Variants in ADGRG5 observed in about 807,000 individuals in gnomAD.
The protein encoded by ADGRG5 is G protein-coupled receptor 114.
ADGRG5 carries 37 observed loss-of-function variants against 53.2 expected under a neutral mutation model. That is an observed-to-expected ratio of 0.70 (90% confidence interval 0.53 to 0.91). The LOEUF is 0.91. Ranked by LOEUF, ADGRG5 falls within the 40% of genes least tolerant of loss-of-function variation. ADGRG5 has a pLI of 0.00. For synonymous variants in ADGRG5, 277 were observed against 290.4 expected, an observed-to-expected ratio of 0.95 and a Z score of 0.47; for missense variants, 614 against 675.8, an observed-to-expected ratio of 0.91 and a Z score of 1.01.
chr16:57,534,174 G>A, the ADGRG5 span, among the ~76,000 whole-genome samples: 1 of 151,946 alleles, frequency 6.6e-6, no homozygotes, highest in Non-Finnish European at 1.5e-5. Context: ...CCCCACCTGG[G>A]GACCACAGCC....
In ADGRG5 at chr16:57,563,093, A is replaced by C; in HGVS notation, c.143A>C (p.Gln48Pro). Residue 48 changes from glutamine (Q) to proline (P), a missense_variant and splice_region_variant, in exon 4 of 12, where the codon CAA becomes CCA. Transcript: ENST00000349457. ...CTGGCCATCTCTCTGGGCTGCAGTC[A>C]ACTCCACCAGCTGGAGCAGATGCTA... Reference protein sequence around the residue: ...RGRSSVFSSRQLHQLEQMLLN... With the variant: ...RGRSSVFSSRPLHQLEQMLLN... The C allele has an allele frequency of 6.2e-7, 1 of 1,614,070 alleles. No homozygotes were observed. Among genetic ancestry groups the C allele is most frequent in the Non-Finnish European group, 8.5e-7 (1 of 1,180,012 alleles).
intron 10 of ADGRG5, among the ~76,000 whole-genome samples, chr16:57,571,642 ATTTTCTTTT>A (rs1331603002): frequency 4.3e-4 from 62 of 142,724 alleles, no homozygotes; most frequent in Non-Finnish European, 7.9e-4. Flanking sequence ...CTGAAGATGT[ATTTTCTTTT>A]TTTTCTTTTT....
At chr16:57,570,572 C>G (rs771908361) in intron 10 of ADGRG5, 37 bp downstream of exon 10, 1 of 1,457,628 alleles carries the variant, frequency 6.9e-7, no homozygotes, top group Non-Finnish European at 9.6e-7. Flanking sequence ...CTCCCTGGCT[C>G]TGGCAGAAGG....
In ADGRG5 at chr16:57,574,864, G is replaced by GTA; in HGVS notation, c.1258_1259insTA (p.Gly420ValfsTer73). ...GCACAGTGTCCTGGTCATGGGCTACGGCGGCCTCACGTCCCTCTTCAACCT... is the reference window on the plus strand; with the variant it reads ...GCACAGTGTCCTGGTCATGGGCTACGTAGCGGCCTCACGTCCCTCTTCAACCT... On this transcript the variant is annotated frameshift_variant, in exon 11 of 12. Transcript: ENST00000349457. LOFTEE classifies it high-confidence loss of function. This position sits in a 1 kb window ranked among gnomAD's most constrained non-coding sequence, Gnocchi z 4.4. 1 of 1,610,634 alleles carries GTA rather than the reference G, an allele frequency of 6.2e-7. No homozygotes were observed. The highest frequency in any genetic ancestry group is 8.5e-7 in the Non-Finnish European group (1 of 1,178,854).
chr16:57,534,296 T>G, the ADGRG5 span, among the ~76,000 whole-genome samples: 1 of 152,286 alleles, frequency 6.6e-6, no homozygotes, highest in South Asian at 2.1e-4. Context: ...TCAGGGCTCC[T>G]GAACCCCAGC....
chr16:57,562,301 C>G (rs2033023337), intron 2 of ADGRG5, 83 bp from the exon 3 acceptor site: 10 of 1,435,552 alleles, frequency 7.0e-6, no homozygotes, highest in Non-Finnish European at 9.7e-6. Context: ...GAACTAGACT[C>G]TCAGGGTGGG....
At chr16:57,568,698 C>T (rs543001323) in intron 9 of ADGRG5, among the ~76,000 whole-genome samples, 1 of 151,626 alleles carries the variant, frequency 6.6e-6, no homozygotes, top group South Asian at 2.1e-4. Context: ...CCTCCATCAC[C>T]TCCATCATCA....
intron 1 of ADGRG5, among the ~76,000 whole-genome samples, chr16:57,545,376 G>A (rs1457031133): frequency 6.6e-6 from 1 of 152,176 alleles, no homozygotes; most frequent in Non-Finnish European, 1.5e-5. Context: ...GGAAGAAACA[G>A]GCAAATTCCT....
upstream of ADGRG5, among the ~76,000 whole-genome samples, chr16:57,538,050 A>G (rs2032432045): frequency 1.3e-5 from 2 of 152,120 alleles, no homozygotes; most frequent in African/African-American, 2.4e-5. Flanking sequence ...GGGCTGGGGA[A>G]GGTGGTGGAG....
chr16:57,554,909 A>AT (rs770277868), intron 1 of ADGRG5, among the ~76,000 whole-genome samples: 89 of 151,872 alleles, frequency 5.9e-4, no homozygotes, highest in Non-Finnish European at 1.1e-3. Flanking sequence ...TTCCCTTGTG[A>AT]TTTTGTCTCT....
chr16:57,529,133 C>T, the ADGRG5 span: 2 of 1,185,674 alleles, frequency 1.7e-6, no homozygotes, highest in East Asian at 7.3e-5. This position sits in a 1 kb window ranked among gnomAD's most constrained non-coding sequence, Gnocchi z 4.1. Context: ...TGCCCTTGGA[C>T]AGCTGCGGGG....
chr16:57,536,703 G>A, the ADGRG5 span: 4 of 152,294 alleles, frequency 2.6e-5, no homozygotes, highest in African/African-American at 9.6e-5. Flanking sequence ...CCGGCCCACC[G>A]AGCTGCTGGG....
chr16:57,546,787 T>C (rs1340759320), intron 1 of ADGRG5, among the ~76,000 whole-genome samples: 1 of 152,106 alleles, frequency 6.6e-6, no homozygotes, highest in Non-Finnish European at 1.5e-5. Flanking sequence ...GGCACAATCA[T>C]AGCTCACTGC....
In ADGRG5 at chr16:57,563,056, G is replaced by T. The variant is rs376065877; in HGVS notation, c.141-35G>T. ...CCCTCTCACCCTTACCCCACTCCGG[G>T]CTCTGGCCTCCCTGGCCATCTCTCT... On this transcript the variant is annotated intron_variant, in intron 3 of 11. Transcript: ENST00000349457. The T allele has an allele frequency of 1.1e-5, 17 of 1,612,944 alleles. No homozygotes were observed. The African/African-American group carries it at 2.1e-4, about 20-fold the overall frequency.
chr16:57,575,347 C>A, intron 11 of ADGRG5, 91 bp from the exon 12 acceptor site: 2 of 1,246,652 alleles, frequency 1.6e-6, no homozygotes, highest in South Asian at 1.3e-5. Context: ...TGCCCATGGG[C>A]CCCAGGGAGG....
At chr16:57,567,705 A>T in intron 8 of ADGRG5, 114 bp downstream of exon 8, 1 of 1,448,486 alleles carries the variant, frequency 6.9e-7, no homozygotes, top group Non-Finnish European at 9.4e-7. Flanking sequence ...GGGGACCAGG[A>T]GGCGGGAGAC....
intron 9 of ADGRG5, among the ~76,000 whole-genome samples, 189 bp downstream of exon 9, chr16:57,568,313 T>C (rs2033203415): frequency 6.6e-6 from 1 of 151,304 alleles, no homozygotes; most frequent in Admixed American, 6.6e-5. Flanking sequence ...ACCTCCATCA[T>C]CATCATCGTC....
At chr16:57,534,060 G>A in the ADGRG5 span, among the ~76,000 whole-genome samples, 1 of 152,126 alleles carries the variant, frequency 6.6e-6, no homozygotes, top group South Asian at 2.1e-4. Context: ...TAAGTCTCTG[G>A]GTTTGTATTC....
chr16:57,547,602 A>G (rs1203614219), intron 1 of ADGRG5, among the ~76,000 whole-genome samples: 1 of 150,914 alleles, frequency 6.6e-6, no homozygotes, highest in African/African-American at 2.4e-5. Context: ...CTGCCACCAA[A>G]CCCAGCTAAT....
Sources: allele counts gnomAD v4.1 joint callset (sites outside exome capture counted in the v4.1 genomes callset), GRCh38; gene constraint gnomAD v4.1.1; non-coding constraint Gnocchi (gnomAD v3.1); transcripts MANE v1.5; gene names NCBI Gene and HGNC (gene_info 2026-07-23, HGNC 2026-07-21).